Variants in STAB2 observed in about 807,000 individuals in gnomAD.
STAB2 encodes the protein stabilin-2.
In STAB2, 288 loss-of-function variants were observed where a neutral mutation model predicts 338.1. The ratio of observed to expected loss-of-function variants is 0.85; its 90% CI spans 0.77 to 0.94. The LOEUF (loss-of-function observed/expected upper bound fraction) is 0.94. Ranked by LOEUF, STAB2 falls within the 40% of genes least tolerant of loss-of-function variation. The pLI, the probability that STAB2 is intolerant of heterozygous loss-of-function variation, is 0.00. For synonymous variants in STAB2, 1,202 were observed against 1,193.3 expected, an observed-to-expected ratio of 1.01 and a Z score of -0.15; for missense variants, 3,141 against 3,210.1, an observed-to-expected ratio of 0.98 and a Z score of 0.52.
At chr12:103,762,724 G>C (rs2292683) in intron 67 of STAB2, among the ~76,000 whole-genome samples, 28,182 of 152,202 alleles carry the variant, frequency 0.19, 3,018 homozygotes, top group East Asian at 0.44. Context: ...GTTTACCTTG[G>C]AGGATTCACT....
chr12:103,690,437 C>G lies in STAB2; in HGVS notation c.3196C>G (p.Leu1066Val), dbSNP rs1465037913. ...CTATTGTTTCAGGTACCATATGCTA[C>G]TAGGCACATACAGAGTGGCAGATCT... ...IPALIKYHMLLGTYRVADLQT... is the reference protein window; with the variant it reads ...IPALIKYHMLVGTYRVADLQT... Residue 1066 changes from leucine (L) to valine (V), a missense_variant, in exon 30 of 69, where the codon CTA becomes GTA. By Grantham distance (32) the Leu-to-Val change is conservative (BLOSUM62 1). Transcript: ENST00000388887. The G allele has an allele frequency of 6.2e-7, 1 of 1,613,734 alleles. No homozygotes were observed. The highest frequency in any genetic ancestry group is 1.7e-5 in the Admixed American group (1 of 59,976).
At chr12:103,630,666 G>A (rs1957446216) in intron 5 of STAB2, among the ~76,000 whole-genome samples, 1 of 152,184 alleles carries the variant, frequency 6.6e-6, no homozygotes, top group African/African-American at 2.4e-5. Context: ...CCATAGAAAT[G>A]GTAGCATGAG....
intron 22 of STAB2, among the ~76,000 whole-genome samples, chr12:103,671,918 G>A (rs539916963): frequency 5.3e-5 from 8 of 152,234 alleles, no homozygotes; most frequent in East Asian, 3.9e-4. Flanking sequence ...CTAACAGCTC[G>A]TTGTGGAGTC....
intron 57 of STAB2, among the ~76,000 whole-genome samples, chr12:103,745,684 G>A (rs922779072): frequency 6.6e-6 from 1 of 152,056 alleles, no homozygotes; most frequent in Admixed American, 6.5e-5. Flanking sequence ...CTTACTAGAT[G>A]AATGGCCTTA....
At chr12:103,686,718 T>C (rs1277216724) in intron 27 of STAB2, among the ~76,000 whole-genome samples, 3 of 152,158 alleles carry the variant, frequency 2.0e-5, no homozygotes, top group Non-Finnish European at 4.4e-5. Flanking sequence ...GTGAGATACC[T>C]CAAACTCCAA....
At chr12:103,649,563 A>T (rs1873584572) in intron 10 of STAB2, among the ~76,000 whole-genome samples, 1 of 152,244 alleles carries the variant, frequency 6.6e-6, no homozygotes, top group Non-Finnish European at 1.5e-5. Flanking sequence ...ATCAGCTTTT[A>T]TGTTGGAATT....
chr12:103,728,849 G>A lies in STAB2; in HGVS notation c.4936G>A (p.Val1646Ile), dbSNP rs1881414342. The A allele has an allele frequency of 6.2e-7, 1 of 1,613,856 alleles. No individual in the cohort carries two copies. Among genetic ancestry groups the A allele is most frequent in the African/African-American group, 1.3e-5 (1 of 74,934 alleles). ...LSAAFDEEAR[V>I]KDWDKYGLMP... ...GAAACCCTCTGATCTTCTGTTACAG[G>A]TTAAAGACTGGGACAAATACGGTTT... Residue 1646 changes from valine to isoleucine, a missense_variant and splice_region_variant, in exon 48 of 69, where the codon GTT becomes ATT. Physicochemically the swap from Val to Ile is conservative, Grantham distance 29. Transcript: ENST00000388887.
chr12:103,669,479 C>A, intron 20 of STAB2, 62 bp from the exon 21 acceptor site: 5 of 1,353,666 alleles, frequency 3.7e-6, no homozygotes, highest in Non-Finnish European at 5.3e-6. Flanking sequence ...AAAATGCATC[C>A]CCTTTGAGGA....
chr12:103,758,359 C>A, intron 64 of STAB2, 70 bp downstream of exon 64: 1 of 1,593,908 alleles, frequency 6.3e-7, no homozygotes, highest in Non-Finnish European at 8.5e-7. Flanking sequence ...TGCTGTGTCA[C>A]AAATTACCTG....
intron 52 of STAB2, among the ~76,000 whole-genome samples, chr12:103,736,764 GC>G (rs1051565997): frequency 2.0e-5 from 3 of 152,092 alleles, no homozygotes; most frequent in Non-Finnish European, 2.9e-5. Flanking sequence ...AACACGCAAG[GC>G]TTTAACCACA....
intron 68 of STAB2, among the ~76,000 whole-genome samples, chr12:103,765,432 T>C (rs916514556): frequency 6.6e-6 from 1 of 152,216 alleles, no homozygotes; most frequent in East Asian, 1.9e-4. Flanking sequence ...ACACTATTTT[T>C]AGTGACTCCA....
chr12:103,605,111 T>C (rs931707325), intron 3 of STAB2, among the ~76,000 whole-genome samples: 1 of 151,956 alleles, frequency 6.6e-6, no homozygotes, highest in African/African-American at 2.4e-5. Flanking sequence ...CGGTTACTTT[T>C]ATGTATAATA....
At position 103,746,655 on chromosome 12, in the gene STAB2, C is replaced by T; in HGVS notation, c.6195C>T (p.Asn2065=). The part of the protein sequence containing the change: ...CSAHATCKEN[N]TCECNLDYEG... Reference sequence around the variant, plus strand: ...CTCATGCCACCTGTAAGGAGAACAACACGTGTGAGTGTAACCTGGATTATG... The same window carrying T: ...CTCATGCCACCTGTAAGGAGAACAATACGTGTGAGTGTAACCTGGATTATG... The change falls in exon 58 of 69, where the codon AAC becomes AAT. Residue 2065 remains asparagine (N), a synonymous_variant. Coordinates refer to ENST00000388887, the MANE Select transcript of STAB2 (RefSeq NM_017564.10). 8.1e-6 allele frequency: 13 copies of T among 1,614,112 alleles called. No homozygotes were observed. Among genetic ancestry groups the T allele is most frequent in the African/African-American group, 6.7e-5 (5 of 75,050 alleles).
intron 25 of STAB2, among the ~76,000 whole-genome samples, chr12:103,681,613 CTTTTTTTTTTT>C (rs907234037): frequency 1.1e-5 from 1 of 92,952 alleles, no homozygotes; most frequent in South Asian, 3.7e-4. Flanking sequence ...TTCCCCCCTA[CTTTTTTTTTTT>C]TTTTTTTTTT....
At chr12:103,627,363 A>G (rs1054445235) in intron 5 of STAB2, among the ~76,000 whole-genome samples, 2 of 152,224 alleles carry the variant, frequency 1.3e-5, no homozygotes, top group African/African-American at 4.8e-5. Context: ...ACCAGATCCT[A>G]TGGGAGCACA....
intron 51 of STAB2, 130 bp downstream of exon 51, chr12:103,733,312 TC>T: frequency 9.4e-7 from 1 of 1,066,202 alleles, no homozygotes; most frequent in Non-Finnish European, 1.4e-6. Context: ...AGCCACAGCA[TC>T]CCCTGCCCCA....
intron 3 of STAB2, among the ~76,000 whole-genome samples, chr12:103,613,161 C>T (rs929189359): frequency 2.0e-5 from 3 of 152,208 alleles, no homozygotes; most frequent in Non-Finnish European, 4.4e-5. Context: ...GGCAGTCTGT[C>T]CGTTCTCAGA....
intron 67 of STAB2, among the ~76,000 whole-genome samples, chr12:103,763,063 GTATATT>G (rs1456678209): frequency 6.6e-6 from 1 of 152,226 alleles, no homozygotes; most frequent in East Asian, 1.9e-4. Flanking sequence ...CAGACAGCTT[GTATATT>G]TATAAGCTCC....
intron 19 of STAB2, among the ~76,000 whole-genome samples, chr12:103,668,102 T>A (rs564764899): frequency 1.4e-4 from 22 of 152,366 alleles, no homozygotes; most frequent in Middle Eastern, 3.4e-3. Context: ...GTGCAATGTG[T>A]CTGGCCCATA....
Sources: gnomAD v4.1 joint callset for allele counts (sites outside exome capture counted in the v4.1 genomes callset) on GRCh38, gnomAD v4.1.1 for gene constraint, MANE v1.5 for transcripts, NCBI Gene and HGNC (gene_info 2026-07-23, HGNC 2026-07-21) for gene names.